The following CD300A variants were observed in gnomAD, a reference collection of about 807,000 sequenced individuals.
CD300A encodes CMRF35-like molecule 8.
CD300A carries 22 observed loss-of-function variants against 33.6 expected under a neutral mutation model. The ratio of observed to expected loss-of-function variants is 0.66; its 90% confidence interval spans 0.47 to 0.94. CD300A has a LOEUF of 0.94. Ranked by LOEUF, CD300A falls within the 40% of genes least tolerant of loss-of-function variation. The pLI, the probability that CD300A is intolerant of heterozygous loss-of-function variation, is 0.00. For missense variants in CD300A, 326 were observed against 360.5 expected (o/e 0.90, Z 0.77); for synonymous variants, 136 against 148.1 (o/e 0.92, Z 0.59).
intron 4 of CD300A, among the ~76,000 whole-genome samples, chr17:74,481,024 C>T (rs1003355215): frequency 2.0e-5 from 3 of 152,200 alleles, no homozygotes; most frequent in Non-Finnish European, 4.4e-5. Context: ...ACTGGGATTA[C>T]AGGCGTGAGC....
At chr17:74,474,011 C>G in intron 2 of CD300A, 137 bp downstream of exon 2, 1 of 957,104 alleles carries the variant, frequency 1.0e-6, no homozygotes, top group Non-Finnish European at 1.5e-6. Context: ...CAGGGGAACA[C>G]AGTCAGGGGG....
rs767962016 is a variant in CD300A at position 74,480,520 on chromosome 17, C to T, written c.629-769C>T. ...TGGGGCTGACAGGCCTCCTTCCCTA[C>T]GGCCTGGGGCAGCAGGCAGGTGGGC... On this transcript the variant is annotated intron_variant, in intron 4 of 6. Transcript: ENST00000360141. This position sits in a 1 kb window ranked among gnomAD's most constrained non-coding sequence, Gnocchi z 4.2. Among the ~76,000 whole-genome samples the T allele has an allele frequency of 2.4e-4, 36 of 152,318 alleles. 1 individual carries two copies. The highest frequency in any genetic ancestry group is 7.5e-4 in the African/African-American group (31 of 41,572).
chr17:74,474,514 T>C lies in CD300A; in HGVS notation c.380-18T>C. Reference sequence around the variant, plus strand: ...CAGAGGACAGCTCCCTGGGTCTGACTTGTGGTTTTGCCACCAGCATCAACG... The same window carrying C: ...CAGAGGACAGCTCCCTGGGTCTGACCTGTGGTTTTGCCACCAGCATCAACG... On this transcript the variant is annotated intron_variant, in intron 2 of 6. Transcript: ENST00000360141. 2 of 1,613,464 alleles carry C rather than the reference T, an allele frequency of 1.2e-6. No homozygotes were observed. The highest frequency in any genetic ancestry group is 1.1e-5 in the South Asian group (1 of 91,018).
At chr17:74,479,196 A>G (rs1448455231) in intron 4 of CD300A, among the ~76,000 whole-genome samples, 1 of 151,906 alleles carries the variant, frequency 6.6e-6, no homozygotes, top group Admixed American at 6.6e-5. Flanking sequence ...ATATCCTTCC[A>G]GTCTTTTTTT....
chr17:74,473,847 G>T lies in CD300A; in HGVS notation c.352G>T (p.Val118Phe), dbSNP rs769389889. The T allele has an allele frequency of 6.2e-7, 1 of 1,612,938 alleles. No homozygotes were observed. Among genetic ancestry groups the T allele is most frequent in the East Asian group, 2.2e-5 (1 of 44,818 alleles). Reference protein sequence around the residue: ...PWLRDFHDPVVEVEVSVFPAS... With the variant: ...PWLRDFHDPVFEVEVSVFPAS... Reference sequence around the variant, plus strand: ...GCTCCGAGACTTTCATGATCCCGTTGTCGAGGTTGAGGTGTCCGTGTTCCC... The same window carrying T: ...GCTCCGAGACTTTCATGATCCCGTTTTCGAGGTTGAGGTGTCCGTGTTCCC... The change falls in exon 2 of 7, where the codon GTC becomes TTC. Residue 118 changes from valine (V) to phenylalanine (F), a missense_variant. Coordinates refer to ENST00000360141, the MANE Select transcript of CD300A (RefSeq NM_007261.4).
chr17:74,481,027 G>C (rs549556795), intron 4 of CD300A, among the ~76,000 whole-genome samples: 1 of 152,290 alleles, frequency 6.6e-6, no homozygotes. Flanking sequence ...GGGATTACAG[G>C]CGTGAGCCAC....
intron 1 of CD300A, among the ~76,000 whole-genome samples, chr17:74,467,569 G>A (rs887271777): frequency 3.7e-4 from 57 of 152,316 alleles, no homozygotes; most frequent in Admixed American, 2.0e-3. Flanking sequence ...CTTCAGTCAC[G>A]TCCACCGCTC....
At chr17:74,466,556 T>C, upstream of CD300A, 1 of 900,204 alleles carries the variant, frequency 1.1e-6, no homozygotes, top group Non-Finnish European at 1.7e-6. Context: ...TCTGACCGGC[T>C]CCAGGAATAG....
Position 74,484,310 on chromosome 17 carries a change from C to T in CD300A, c.*184C>T, listed in dbSNP as rs1323095024. The T allele has an allele frequency of 1.7e-6, 1 of 576,614 alleles. No homozygotes were observed. The allele number at this position is 576,614 out of a possible 1,614,324, so 35.7% of individuals were successfully genotyped here. On this transcript the variant is annotated 3_prime_UTR_variant, in exon 7 of 7. Coordinates refer to ENST00000360141, the MANE Select transcript of CD300A (RefSeq NM_007261.4). ...CTTGATTGGCTTCCCCGAGGGCCAG[C>T]AGGGCTGGGGGCTCCGGAGAGCAGC...
rs190221770 is a variant in CD300A at position 74,483,283 on chromosome 17, C to T, written c.775-718C>T. On this transcript the variant is annotated intron_variant, in intron 6 of 6. Coordinates refer to ENST00000360141, the MANE Select transcript of CD300A (RefSeq NM_007261.4). The stretch of plus-strand genomic sequence containing the variant: ...ACTGGCTTCAACTCCACCTAGAGAA[C>T]GAGGGGTCCTCTGCAGAAAGGGATC... 1.1e-4 allele frequency among the ~76,000 whole-genome samples: 16 copies of T among 152,242 alleles called. No homozygotes were observed. The East Asian group carries it at 2.9e-3, about 28-fold the overall frequency.
chr17:74,481,686 G>A (rs1906858111), intron 5 of CD300A, 40 bp from the exon 6 acceptor site: 1 of 1,435,282 alleles, frequency 7.0e-7, no homozygotes, highest in Non-Finnish European at 9.7e-7. Flanking sequence ...GAGGCTGCAG[G>A]GCTCCGTGGA....
At chr17:74,483,557 A>C (rs946489379) in intron 6 of CD300A, among the ~76,000 whole-genome samples, 2 of 152,014 alleles carry the variant, frequency 1.3e-5, no homozygotes, top group African/African-American at 4.8e-5. Context: ...GGGTTTCACT[A>C]TGTTACCCAG....
At position 74,484,219 on chromosome 17, in the gene CD300A, C is replaced by T; in HGVS notation, c.*93C>T. ...CCTGGCCCACGTCCTTCTCAGCCTG[C>T]CCTCGACAACAGTGACCAACAGACA... On this transcript the variant is annotated 3_prime_UTR_variant, in exon 7 of 7. Coordinates refer to ENST00000360141, the MANE Select transcript of CD300A (RefSeq NM_007261.4). 2.2e-6 allele frequency: 3 copies of T among 1,385,752 alleles called. No individual in the cohort carries two copies. The highest frequency in any genetic ancestry group is 3.0e-6 in the Non-Finnish European group (3 of 1,004,634). The allele number at this position is 1,385,752 out of a possible 1,614,324, so 85.8% of individuals were successfully genotyped here. A position where few individuals can be genotyped will look rare whatever the true frequency, so the allele number is the denominator to read the frequency against.
At position 74,467,597 on chromosome 17, in the gene CD300A, T is replaced by G. The variant is rs1445470942; in HGVS notation, c.40+854T>G. Among the ~76,000 whole-genome samples, 3 of 152,236 alleles carry G rather than the reference T, an allele frequency of 2.0e-5. No individual in the cohort carries two copies. The East Asian group carries it at 5.8e-4, about 29-fold the overall frequency. On this transcript the variant is annotated intron_variant, in intron 1 of 6. Transcript: ENST00000360141. ...CACCGCTCTCCTCAGACAGCTCCTG[T>G]GCAGACTCCTCAGGCCTAGTCCTAG... is the stretch of plus-strand genomic sequence containing the variant.
chr17:74,473,666 A>G lies in CD300A; in HGVS notation c.171A>G (p.Leu57=), dbSNP rs765040946. ...KYWCRPPQIF[L]CDKIVETKGS... is the part of the protein sequence containing the mutation. ...GGTGCAGACCACCACAGATTTTCCT[A>G]TGTGACAAGATTGTGGAGACCAAAG... Residue 57 remains leucine (L), a synonymous_variant, in exon 2 of 7, where the codon CTA becomes CTG. Transcript: ENST00000360141. 2.5e-6 allele frequency: 4 copies of G among 1,614,212 alleles called. No individual in the cohort carries two copies. The highest frequency in any genetic ancestry group is 1.1e-5 in the South Asian group (1 of 91,082).
intron 3 of CD300A, among the ~76,000 whole-genome samples, chr17:74,476,549 A>G (rs1206450733): frequency 6.6e-6 from 1 of 152,132 alleles, no homozygotes; most frequent in Non-Finnish European, 1.5e-5. Flanking sequence ...AAGATGAGAA[A>G]ATTATGAATG....
rs769420909 is a variant in CD300A at position 74,473,561 on chromosome 17, G to T, written c.66G>T (p.Arg22Ser). 3 of 1,613,918 alleles carry T rather than the reference G, an allele frequency of 1.9e-6. No homozygotes were observed. Among genetic ancestry groups the T allele is most frequent in the Middle Eastern group, 3.3e-4 (2 of 6,060 alleles). Residue 22 changes from arginine (R) to serine (S), a missense_variant, in exon 2 of 7, where the codon AGG (arginine) becomes AGT (serine). Arg to Ser is a moderately radical substitution (Grantham distance 110). Coordinates refer to ENST00000360141, the MANE Select transcript of CD300A (RefSeq NM_007261.4). Reference protein sequence around the residue: ...VPGCFALSKCRTVAGPVGGSL... With the variant: ...VPGCFALSKCSTVAGPVGGSL... ...GATGTTTTGCTCTGAGCAAATGCAG[G>T]ACCGTGGCGGGCCCCGTGGGGGGAT...
intron 1 of CD300A, among the ~76,000 whole-genome samples, chr17:74,469,554 T>C (rs1905951983): frequency 6.6e-6 from 1 of 152,144 alleles, no homozygotes; most frequent in Non-Finnish European, 1.5e-5. Flanking sequence ...GCCAGGCACG[T>C]TGGCTCACGC....
intron 1 of CD300A, among the ~76,000 whole-genome samples, chr17:74,471,452 T>G (rs1232102926): frequency 6.6e-6 from 1 of 152,224 alleles, no homozygotes; most frequent in Non-Finnish European, 1.5e-5. Context: ...CCAGGCATTT[T>G]ATACCTGTGA....
Sources: gnomAD v4.1 joint callset for allele counts (sites outside exome capture counted in the v4.1 genomes callset) on GRCh38, gnomAD v4.1.1 for gene constraint, Gnocchi (gnomAD v3.1) non-coding constraint, MANE v1.5 for transcripts, NCBI Gene and HGNC (gene_info 2026-07-23, HGNC 2026-07-21) for gene names.